CLCN5: variants seen among roughly 807,000 people sequenced by gnomAD.
CLCN5 encodes H(+)/Cl(-) exchange transporter 5.
A neutral mutation model predicts 54.0 loss-of-function variants in CLCN5; 17 were observed. The ratio of observed to expected loss-of-function variants is 0.31; its 90% CI spans 0.22 to 0.47. The LOEUF (loss-of-function observed/expected upper bound fraction) is 0.47, where lower values mean the gene tolerates loss of function less well. Ranked by LOEUF, CLCN5 falls within the 20% of genes least tolerant of loss-of-function variation. The pLI, the probability that CLCN5 is intolerant of heterozygous loss-of-function variation, is 1.00. For synonymous variants in CLCN5, 222 were observed against 233.0 expected (o/e 0.95, Z 0.43); for missense variants, 448 against 646.7 (o/e 0.69, Z 3.33).
chrX:49,925,083 G>A (rs1312974024), intron 2 of CLCN5, 88 bp from the exon 3 acceptor site: 3 of 444,928 alleles, frequency 6.7e-6, no homozygotes, highest in Non-Finnish European at 3.9e-6. Context: ...CTTTGAAAGA[G>A]AGGTTCAGAG....
intron 3 of CLCN5, among the ~76,000 whole-genome samples, chrX:50,025,698 T>G (rs1465148830): frequency 9.1e-6 from 1 of 109,698 alleles, no homozygotes; most frequent in Non-Finnish European, 1.9e-5. Flanking sequence ...GCACTCTGTT[T>G]CTCTCTCTCT....
Position 50,095,506 on chromosome X carries a change from G to A in CLCN5, c.*3287G>A, listed in dbSNP as rs1356138001. The A allele has an allele frequency of 8.9e-6, 1 of 112,679 alleles. No individual in the cohort carries two copies. 9.3% of individuals were successfully genotyped at this position (112,679 alleles called of 1,213,427 possible). A position where few individuals can be genotyped will look rare whatever the true frequency, so the allele number is the denominator to read the frequency against. On this transcript the variant is annotated 3_prime_UTR_variant, in exon 15 of 15. Coordinates refer to ENST00000376091, the MANE Select transcript of CLCN5 (RefSeq NM_001127898.4). ...ACAGATATCCTCTGGTAGATAAGCT[G>A]ACATTGATGATACTTTGAATTTACC...
chrX:49,947,385 T>G (rs1026885311), intron 3 of CLCN5, among the ~76,000 whole-genome samples: 8 of 110,355 alleles, frequency 7.2e-5, no homozygotes, highest in Non-Finnish European at 1.5e-4. Context: ...GATGTTCATT[T>G]CCCCATGGCC....
At chrX:50,090,975 A>G in intron 14 of CLCN5, 89 bp downstream of exon 14, 1 of 769,314 alleles carries the variant, frequency 1.3e-6, no homozygotes, top group South Asian at 2.2e-5. Flanking sequence ...AACCCAGTTT[A>G]AATGAACATT....
intron 3 of CLCN5, among the ~76,000 whole-genome samples, chrX:49,936,936 GAGTAAAGT>G (rs1557169857): frequency 9.0e-6 from 1 of 111,374 alleles, no homozygotes; most frequent in African/African-American, 3.3e-5. Context: ...TCATTTAAAA[GAGTAAAGT>G]AGCCTGGACG....
At chrX:50,011,285 G>T (rs1478244079) in intron 3 of CLCN5, among the ~76,000 whole-genome samples, 8 of 111,993 alleles carry the variant, frequency 7.1e-5, no homozygotes, top group African/African-American at 2.6e-4. Flanking sequence ...GTGTCTATTA[G>T]ACAGCAGGTA....
chrX:50,093,516 A>G lies in CLCN5; in HGVS notation c.*1297A>G, dbSNP rs1934166971. The stretch of plus-strand genomic sequence containing the variant: ...GCCTGGTGACACCAAAGGTGCTTGT[A>G]TCCAATTGAAAAGGTGCCTGTCTCA... On this transcript the variant is annotated 3_prime_UTR_variant, in exon 15 of 15. Coordinates refer to ENST00000376091, the MANE Select transcript of CLCN5 (RefSeq NM_001127898.4). 1 of 111,883 alleles carries G rather than the reference A, an allele frequency of 8.9e-6. No individual in the cohort carries two copies. Among genetic ancestry groups the G allele is most frequent in the Admixed American group, 9.5e-5 (1 of 10,518 alleles). 9.2% of individuals were successfully genotyped at this position (111,883 alleles called of 1,213,427 possible). A position where few individuals can be genotyped will look rare whatever the true frequency, so the allele number is the denominator to read the frequency against.
Position 50,092,408 on chromosome X carries a change from T to A in CLCN5, c.*189T>A. The A allele has an allele frequency of 2.3e-6, 1 of 427,379 alleles. No homozygotes were observed. Among genetic ancestry groups the A allele is most frequent in the Non-Finnish European group, 4.1e-6 (1 of 243,882 alleles). 35.2% of individuals were successfully genotyped at this position (427,379 alleles called of 1,213,427 possible). ...AATTAATTTTCTCTTTAGGAGAAAT[T>A]ATAGTTAGGCTTCCATGATGTTACA... On this transcript the variant is annotated 3_prime_UTR_variant, in exon 15 of 15. Coordinates refer to ENST00000376091, the MANE Select transcript of CLCN5 (RefSeq NM_001127898.4).
Position 49,925,243 on chromosome X carries a change from G to A in CLCN5, c.-56G>A. 8.5e-7 allele frequency: 1 copy of A among 1,178,993 alleles called. No individual in the cohort carries two copies. Among genetic ancestry groups the A allele is most frequent in the Non-Finnish European group, 1.2e-6 (1 of 865,516 alleles). The stretch of plus-strand genomic sequence containing the variant: ...TTCTATCAAGTCTCCCTACAAAACT[G>A]AGAGGCTCTGGGAAACTCAGCCTGT... On this transcript the variant is annotated 5_prime_UTR_variant, in exon 3 of 15. Coordinates refer to ENST00000376091, the MANE Select transcript of CLCN5 (RefSeq NM_001127898.4).
In CLCN5 at chrX:50,038,954, C is replaced by T. The variant is rs1462898194; in HGVS notation, c.17-3362C>T. The stretch of plus-strand genomic sequence containing the variant: ...TGTATGTTTATGTCCATGGTCTTGT[C>T]TGCTGCTAACAGTGAGTCATTCTAC... On this transcript the variant is annotated intron_variant, in intron 3 of 14. Transcript: ENST00000376091. Among the ~76,000 whole-genome samples, 4 of 111,445 alleles carry T rather than the reference C, an allele frequency of 3.6e-5. No homozygotes were observed. The South Asian group carries it at 1.5e-3, about 42-fold the overall frequency.
intron 3 of CLCN5, among the ~76,000 whole-genome samples, chrX:49,955,528 TATA>T: frequency 9.0e-6 from 1 of 111,077 alleles, no homozygotes; most frequent in East Asian, 2.8e-4. Context: ...CCTTGTTTAT[TATA>T]ATGACTTTCG....
chrX:50,050,814 C>T (rs1557188269), intron 4 of CLCN5, among the ~76,000 whole-genome samples: 1 of 108,911 alleles, frequency 9.2e-6, no homozygotes, highest in African/African-American at 3.4e-5. Flanking sequence ...CAGGTGCCTG[C>T]CACCACGCCT....
chrX:50,053,398 A>C (rs1932652015), intron 4 of CLCN5, among the ~76,000 whole-genome samples: 1 of 111,015 alleles, frequency 9.0e-6, no homozygotes, highest in African/African-American at 3.3e-5. Context: ...CTGATATGGT[A>C]ATTTGTGTCT....
Position 50,025,434 on chromosome X carries a change from G to A in CLCN5, c.17-16882G>A, listed in dbSNP as rs782726295. 4.8e-3 allele frequency among the ~76,000 whole-genome samples: 501 copies of A among 104,222 alleles called. 3 individuals carry two copies. The highest frequency in any genetic ancestry group is 7.6e-3 in the Non-Finnish European group (388 of 50,981). The allele number at this position is 104,222 out of a possible 115,157, so 90.5% of individuals were successfully genotyped here. A position where few individuals can be genotyped will look rare whatever the true frequency, so the allele number is the denominator to read the frequency against. On this transcript the variant is annotated intron_variant, in intron 3 of 14. Coordinates refer to ENST00000376091, the MANE Select transcript of CLCN5 (RefSeq NM_001127898.4). Reference sequence around the variant, plus strand: ...TCAGATGGAAATGCAGAAATCACCCGTCTTCTGCGTCGCTCACGCTGGGAG... The same window carrying A: ...TCAGATGGAAATGCAGAAATCACCCATCTTCTGCGTCGCTCACGCTGGGAG...
chrX:49,958,288 T>C (rs1557174126), intron 3 of CLCN5, among the ~76,000 whole-genome samples: 1 of 111,616 alleles, frequency 9.0e-6, no homozygotes, highest in African/African-American at 3.3e-5. Flanking sequence ...TCCCAGTTGT[T>C]GCATTTAGCA....
rs781923871 is a variant in CLCN5, at chrX:49,925,295, C to T, written c.-4C>T. ...ACCCCAGCGTGGGTGAAGATAGGAT[C>T]AAGATGGCCATGTGGCAGGGTAAGA... On this transcript the variant is annotated 5_prime_UTR_variant, in exon 3 of 15. Transcript: ENST00000376091. The T allele has an allele frequency of 3.3e-5, 40 of 1,208,904 alleles. No individual in the cohort carries two copies. The highest frequency in any genetic ancestry group is 4.5e-5 in the Non-Finnish European group (40 of 894,031).
At chrX:50,006,972 G>A (rs1193926981) in intron 3 of CLCN5, among the ~76,000 whole-genome samples, 1 of 110,961 alleles carries the variant, frequency 9.0e-6, no homozygotes, top group Non-Finnish European at 1.9e-5. Context: ...CACCCCCCAA[G>A]CACCCCACCT....
At chrX:50,001,963 T>C (rs1929842281) in intron 3 of CLCN5, among the ~76,000 whole-genome samples, 1 of 110,507 alleles carries the variant, frequency 9.0e-6, no homozygotes, top group Non-Finnish European at 1.9e-5. Flanking sequence ...CTTGAGACTC[T>C]ACCTGCTTTC....
chrX:50,073,267 T>C (rs1285146343), intron 6 of CLCN5, among the ~76,000 whole-genome samples: 2 of 111,785 alleles, frequency 1.8e-5, no homozygotes, highest in African/African-American at 6.5e-5. Context: ...GGTGTGTCCT[T>C]ATGGCATTAA....
Sources: allele counts gnomAD v4.1 joint callset (sites outside exome capture counted in the v4.1 genomes callset), GRCh38; gene constraint gnomAD v4.1.1; transcripts MANE v1.5; gene names NCBI Gene and HGNC (gene_info 2026-07-23, HGNC 2026-07-21).